The following NAALADL2 variants were observed in gnomAD, a reference collection of about 807,000 sequenced individuals.
NAALADL2 encodes inactive N-acetylated-alpha-linked acidic dipeptidase-like protein 2.
In NAALADL2, 76 loss-of-function variants were observed where a neutral mutation model predicts 87.2. The observed-to-expected ratio is 0.87, with a 90% CI of 0.72 to 1.05. The LOEUF (loss-of-function observed/expected upper bound fraction) is 1.05, where lower values mean the gene tolerates loss of function less well. Ranked by LOEUF, NAALADL2 falls within the 50% of genes least tolerant of loss-of-function variation. The pLI, the probability that NAALADL2 is intolerant of heterozygous loss-of-function variation, is 0.00. For missense variants in NAALADL2, 1,089 were observed against 945.8 expected (o/e 1.15, Z -1.99); for synonymous variants, 354 against 331.0 (o/e 1.07, Z -0.75).
chr3:174,559,206 A>G (rs1713259498), intron 2 of NAALADL2, among the ~76,000 whole-genome samples: 1 of 152,138 alleles, frequency 6.6e-6, no homozygotes, highest in Non-Finnish European at 1.5e-5. Flanking sequence ...GGCCAAAGAA[A>G]AAGGCTGACA....
At chr3:174,770,594 AC>A (rs1463238196) in intron 3 of NAALADL2, among the ~76,000 whole-genome samples, 3 of 152,142 alleles carry the variant, frequency 2.0e-5, no homozygotes, top group Non-Finnish European at 2.9e-5. Context: ...TAATCCCAGC[AC>A]TTTGGGAGGC....
intron 9 of NAALADL2, among the ~76,000 whole-genome samples, chr3:175,480,240 G>A (rs559968473): frequency 1.1e-4 from 16 of 151,712 alleles, no homozygotes; most frequent in East Asian, 3.9e-4. Context: ...AGCCATATAC[G>A]ATAAACATTG....
chr3:174,832,501 A>G (rs1722841945), intron 3 of NAALADL2, among the ~76,000 whole-genome samples: 1 of 152,052 alleles, frequency 6.6e-6, no homozygotes, highest in African/African-American at 2.4e-5. Flanking sequence ...TGGCTCTGTC[A>G]TCCAGGCTGG....
intron 1 of NAALADL2, among the ~76,000 whole-genome samples, chr3:174,862,245 T>C (rs1465900397): frequency 1.3e-5 from 2 of 152,052 alleles, no homozygotes; most frequent in African/African-American, 4.8e-5. Context: ...GCATAATGCC[T>C]GCAAACTCAC....
intron 1 of NAALADL2, among the ~76,000 whole-genome samples, chr3:175,072,438 A>G (rs1372585758): frequency 6.6e-6 from 1 of 151,988 alleles, no homozygotes; most frequent in Non-Finnish European, 1.5e-5. Context: ...ATTTGAGGAC[A>G]TGCAAAATTA....
At position 175,767,746 on chromosome 3, in the gene NAALADL2, A is replaced by T. The variant is rs561392106; in HGVS notation, c.2189+12328A>T. Reference sequence around the variant, plus strand: ...TTAAGCTAAGTTTCATAGAATCAAGAACTACTAGAACTGAAATAGAACCTT... The same window carrying T: ...TTAAGCTAAGTTTCATAGAATCAAGTACTACTAGAACTGAAATAGAACCTT... On this transcript the variant is annotated intron_variant, in intron 13 of 13. Transcript: ENST00000454872. The T allele has an allele frequency of 8.5e-5, 13 of 152,226 alleles. No homozygotes were observed. In the East Asian group the frequency reaches 2.5e-3, roughly 29 times the overall value. The allele number at this position is 152,226 out of a possible 1,614,324, so 9.4% of individuals were successfully genotyped here.
intron 1 of NAALADL2, among the ~76,000 whole-genome samples, chr3:175,082,654 TC>T (rs1240016612): frequency 1.3e-5 from 2 of 152,196 alleles, no homozygotes; most frequent in African/African-American, 4.8e-5. Context: ...TTTCTTTCCC[TC>T]CCTATTTTTA....
chr3:174,839,404 T>C (rs1302008889), intron 3 of NAALADL2, among the ~76,000 whole-genome samples: 6 of 152,114 alleles, frequency 3.9e-5, no homozygotes, highest in Non-Finnish European at 5.9e-5. Flanking sequence ...GAAGAAATCA[T>C]TGGAAAAACC....
chr3:174,936,231 A>G (rs555096910), intron 1 of NAALADL2, among the ~76,000 whole-genome samples: 1 of 152,112 alleles, frequency 6.6e-6, no homozygotes, highest in South Asian at 2.1e-4. Context: ...AGGAGATAGT[A>G]GTTTGGAAAT....
chr3:175,297,674 T>G (rs1029251661), intron 4 of NAALADL2, among the ~76,000 whole-genome samples: 3 of 152,166 alleles, frequency 2.0e-5, no homozygotes. Context: ...TCTGTGTTGC[T>G]TATGGACTGC....
At chr3:175,491,209 T>G (rs1728039392) in intron 9 of NAALADL2, among the ~76,000 whole-genome samples, 2 of 149,358 alleles carry the variant, frequency 1.3e-5, no homozygotes, top group South Asian at 4.2e-4. Context: ...ATAAATATAA[T>G]AAAATAAATA....
intron 1 of NAALADL2, among the ~76,000 whole-genome samples, chr3:174,872,682 A>G (rs941865348): frequency 6.6e-6 from 1 of 152,072 alleles, no homozygotes; most frequent in Non-Finnish European, 1.5e-5. Context: ...GGGAAATATT[A>G]CACTGTAATG....
At chr3:175,284,824 G>A (rs1319920540) in intron 4 of NAALADL2, among the ~76,000 whole-genome samples, 1 of 152,036 alleles carries the variant, frequency 6.6e-6, no homozygotes, top group East Asian at 1.9e-4. Flanking sequence ...GTGGTCTCTG[G>A]TCTTAGATGA....
intron 10 of NAALADL2, among the ~76,000 whole-genome samples, chr3:175,602,680 G>A (rs1435881585): frequency 2.6e-5 from 4 of 152,070 alleles, no homozygotes; most frequent in African/African-American, 9.7e-5. Context: ...CAAAGTTAAA[G>A]GGTTTGAACA....
intron 11 of NAALADL2, among the ~76,000 whole-genome samples, chr3:175,679,950 A>G (rs950682484): frequency 6.6e-6 from 1 of 152,144 alleles, no homozygotes; most frequent in Non-Finnish European, 1.5e-5. Context: ...GAAGGTGAGA[A>G]AAAAAGGATG....
At chr3:175,315,501 C>T (rs1440811620) in intron 4 of NAALADL2, among the ~76,000 whole-genome samples, 2 of 152,126 alleles carry the variant, frequency 1.3e-5, no homozygotes, top group Non-Finnish European at 2.9e-5. Context: ...AACTTCTCTC[C>T]TGGGAATAAA....
In NAALADL2 at chr3:175,259,842, A is replaced by G. The variant is rs186740279; in HGVS notation, c.939+3312A>G. Among the ~76,000 whole-genome samples the G allele has an allele frequency of 3.6e-3, 553 of 152,272 alleles. 5 individuals are homozygous for G. Among genetic ancestry groups the G allele is most frequent in the African/African-American group, 0.013 (530 of 41,552 alleles). ...CAGGAGTTCAAGACCAGCCTGGCCA[A>G]TATGGCAAAACCCTGTCTCTACCAA... is the stretch of plus-strand genomic sequence containing the variant. On this transcript the variant is annotated intron_variant, in intron 4 of 13. Transcript: ENST00000454872.
intron 2 of NAALADL2, among the ~76,000 whole-genome samples, chr3:174,624,352 G>A (rs905222769): frequency 3.3e-5 from 5 of 152,090 alleles, no homozygotes; most frequent in Non-Finnish European, 4.4e-5. Flanking sequence ...GGCCGGGCGC[G>A]GTGGCTCACG....
chr3:175,217,337 A>G (rs1031995931), intron 2 of NAALADL2, among the ~76,000 whole-genome samples: 10 of 152,212 alleles, frequency 6.6e-5, no homozygotes, highest in African/African-American at 2.2e-4. Context: ...CAGTCCTTGC[A>G]GAAGCTTTGT....
Sources: allele counts gnomAD v4.1 joint callset (sites outside exome capture counted in the v4.1 genomes callset), GRCh38; gene constraint gnomAD v4.1.1; transcripts MANE v1.5; gene names NCBI Gene and HGNC (gene_info 2026-07-23, HGNC 2026-07-21).